Variants in GLI2 observed in about 807,000 individuals in gnomAD.
GLI2 encodes the protein GLI family zinc finger 2, also known as transcription activator GLI2.
A neutral mutation model predicts 78.9 loss-of-function variants in GLI2; 22 were observed. The ratio of observed to expected loss-of-function variants is 0.28; its 90% confidence interval spans 0.20 to 0.40. GLI2 has a LOEUF of 0.40. Ranked by LOEUF, GLI2 falls within the 10% of genes least tolerant of loss-of-function variation. The pLI, the probability that GLI2 is intolerant of heterozygous loss-of-function variation, is 1.00. For missense variants in GLI2, 2,097 were observed against 2,213.2 expected (o/e 0.95, Z 1.05); for synonymous variants, 974 against 963.7 (o/e 1.01, Z -0.20).
At chr2:120,757,945 G>C (rs962042275) in intron 1 of GLI2, among the ~76,000 whole-genome samples, 16 of 152,176 alleles carry the variant, frequency 1.1e-4, no homozygotes, top group Non-Finnish European at 1.8e-4. Context: ...GTTACATCTG[G>C]TCCCTGTTAT....
chr2:120,760,723 T>A (rs1683189272), intron 1 of GLI2, among the ~76,000 whole-genome samples: 1 of 152,180 alleles, frequency 6.6e-6, no homozygotes, highest in Non-Finnish European at 1.5e-5. Context: ...CTCGTCTCTG[T>A]CTCTTTTGGC....
intron 1 of GLI2, among the ~76,000 whole-genome samples, chr2:120,752,600 T>G (rs937864713): frequency 1.3e-5 from 2 of 152,160 alleles, no homozygotes; most frequent in African/African-American, 4.8e-5. Context: ...ACTTATTTAT[T>G]GAATAGTAAT....
intron 1 of GLI2, among the ~76,000 whole-genome samples, chr2:120,752,750 G>A (rs535091299): frequency 4.1e-4 from 62 of 152,132 alleles, no homozygotes; most frequent in Non-Finnish European, 8.2e-4. Flanking sequence ...AATAAGTTTT[G>A]TGTAAGTGGC....
chr2:120,927,391 C>A lies in GLI2; in HGVS notation c.179C>A (p.Ala60Glu), dbSNP rs1216175506. 9.3e-6 allele frequency: 15 copies of A among 1,613,652 alleles called. No homozygotes were observed. Among genetic ancestry groups the A allele is most frequent in the South Asian group, 1.1e-5 (1 of 91,080 alleles). Residue 60 changes from alanine to glutamate, a missense_variant, in exon 3 of 14, where the codon GCG becomes GAG. By Grantham distance (107) the Ala-to-Glu change is moderately radical. Around this residue, in one of 5 missense-constraint regions of GLI2, gnomAD observed 578 missense variants for 612.0 expected, o/e 0.94. Transcript: ENST00000361492. ...CAGCATCTCTTGCCACCATTCCATGCGCCCCTACCGATTGACATGCGACAC... is the reference window on the plus strand; with the variant it reads ...CAGCATCTCTTGCCACCATTCCATGAGCCCCTACCGATTGACATGCGACAC... ...VPQHLLPPFH[A>E]PLPIDMRHQE...
intron 3 of GLI2, among the ~76,000 whole-genome samples, chr2:120,949,104 G>T (rs1171007084): frequency 2.0e-5 from 3 of 152,172 alleles, no homozygotes; most frequent in African/African-American, 7.2e-5. Context: ...TCATCCTGCT[G>T]CAGTCACAGG....
At chr2:120,847,453 A>C in intron 2 of GLI2, among the ~76,000 whole-genome samples, 1 of 152,114 alleles carries the variant, frequency 6.6e-6, no homozygotes, top group East Asian at 1.9e-4. Context: ...AGACCACTGC[A>C]CCCAGGGACC....
At chr2:120,963,224 AG>A (rs1361013800) in intron 5 of GLI2, among the ~76,000 whole-genome samples, 2 of 152,224 alleles carry the variant, frequency 1.3e-5, no homozygotes, top group African/African-American at 4.8e-5. Flanking sequence ...CACATTCATT[AG>A]CAATTTCATT....
chr2:120,964,264 AG>A (rs1681727332), intron 5 of GLI2, among the ~76,000 whole-genome samples: 1 of 152,230 alleles, frequency 6.6e-6, no homozygotes, highest in Admixed American at 6.5e-5. Context: ...GTCCCTGAGC[AG>A]GTGTTATGGA....
At chr2:120,745,877 G>A (rs1301428817) in intron 1 of GLI2, among the ~76,000 whole-genome samples, 3 of 152,190 alleles carry the variant, frequency 2.0e-5, no homozygotes, top group Non-Finnish European at 4.4e-5. Context: ...GTTCTTCTGC[G>A]CAGGCAGATA....
intron 1 of GLI2, among the ~76,000 whole-genome samples, chr2:120,784,979 G>A (rs1247467203): frequency 6.6e-6 from 1 of 152,158 alleles, no homozygotes; most frequent in African/African-American, 2.4e-5. Flanking sequence ...ACTCAAGATT[G>A]GCACACAGTA....
At chr2:120,841,677 G>C (rs902223866) in intron 2 of GLI2, among the ~76,000 whole-genome samples, 3 of 152,364 alleles carry the variant, frequency 2.0e-5, no homozygotes, top group South Asian at 2.1e-4. Context: ...ATTGCCTCTG[G>C]TATGCCAGGT....
chr2:120,808,528 C>T (rs112786396), intron 2 of GLI2, among the ~76,000 whole-genome samples: 4 of 152,258 alleles, frequency 2.6e-5, no homozygotes, highest in African/African-American at 9.6e-5. Context: ...AACTTGCCAA[C>T]GACACACTTT....
intron 2 of GLI2, among the ~76,000 whole-genome samples, chr2:120,841,851 GTGTGTGTGTGTGT>G (rs1686893490): frequency 7.5e-6 from 1 of 133,512 alleles, no homozygotes; most frequent in Non-Finnish European, 1.6e-5. Context: ...TCTGGAGGGT[GTGTGTGTGTGTGT>G]GTGTGTGTGT....
At chr2:120,933,076 C>T (rs949586020) in intron 3 of GLI2, among the ~76,000 whole-genome samples, 1 of 152,160 alleles carries the variant, frequency 6.6e-6, no homozygotes, top group East Asian at 1.9e-4. Context: ...CCTGCCAGAG[C>T]TGCCACAGTG....
At position 120,989,210 on chromosome 2, in the gene GLI2, T is replaced by A. The variant is rs1385662301; in HGVS notation, c.3245T>A (p.Leu1082Gln). The A allele has an allele frequency of 6.2e-7, 1 of 1,613,154 alleles. No homozygotes were observed. The highest frequency in any genetic ancestry group is 1.7e-5 in the Admixed American group (1 of 60,038). ...ACTGGCTTCTCTGACAACCCCAGAC[T>A]ACCCAGCCCGGGGCTGCACGGCCAG... ...ESTGFSDNPRLPSPGLHGQRR... is the reference protein window; with the variant it reads ...ESTGFSDNPRQPSPGLHGQRR... Residue 1082 changes from leucine (L) to glutamine (Q), a missense_variant, in exon 14 of 14, where the codon CTA becomes CAA. This residue lies in a region of GLI2 where 1,290 missense variants were observed against 1,261.7 expected (regional missense o/e 1.02). Coordinates refer to ENST00000361492, the MANE Select transcript of GLI2 (RefSeq NM_001374353.1).
At chr2:120,984,835 G>GCCC in intron 12 of GLI2, 92 bp downstream of exon 12, 1 of 1,366,528 alleles carries the variant, frequency 7.3e-7, no homozygotes, top group South Asian at 1.2e-5. Flanking sequence ...CTGCCCTAAG[G>GCCC]CCCCCCTCTA....
intron 2 of GLI2, among the ~76,000 whole-genome samples, chr2:120,807,619 T>C (rs1018598755): frequency 1.3e-4 from 20 of 151,954 alleles, no homozygotes; most frequent in African/African-American, 4.6e-4. Flanking sequence ...GGTCCTGGGG[T>C]CTGAGAATGG....
At chr2:120,809,966 C>T (rs561892890) in intron 2 of GLI2, among the ~76,000 whole-genome samples, 22 of 152,246 alleles carry the variant, frequency 1.4e-4, no homozygotes, top group African/African-American at 4.8e-4. Context: ...GTGGGGGCTG[C>T]GGTCAGGCAG....
intron 2 of GLI2, among the ~76,000 whole-genome samples, chr2:120,872,043 C>T (rs1159756392): frequency 2.0e-5 from 3 of 152,160 alleles, no homozygotes; most frequent in South Asian, 2.1e-4. Flanking sequence ...CCTGTGCAGG[C>T]GGGTGAGGGG....
Sources: gnomAD v4.1 joint callset for allele counts (sites outside exome capture counted in the v4.1 genomes callset) on GRCh38, gnomAD v4.1.1 for gene constraint, gnomAD v4.1.1 regional missense constraint, MANE v1.5 for transcripts, NCBI Gene and HGNC (gene_info 2026-07-23, HGNC 2026-07-21) for gene names.